The following DCLK1 variants were observed in gnomAD, a reference collection of about 807,000 sequenced individuals.
The protein encoded by DCLK1 is doublecortin like kinase 1, also known as serine/threonine-protein kinase DCLK1.
In DCLK1, 16 loss-of-function variants were observed where a neutral mutation model predicts 86.2. That is an observed-to-expected ratio of 0.19 (90% CI 0.13 to 0.28). DCLK1 has a LOEUF of 0.28. DCLK1 is among the 10% of genes least tolerant of loss of function. The probability of loss-of-function intolerance (pLI) is 1.00; values close to 1 mark genes in which losing one functional copy is unlikely to be tolerated. For missense variants in DCLK1, 590 were observed against 940.2 expected, an observed-to-expected ratio of 0.63 and a Z score of 4.87; for synonymous variants, 369 against 370.5, an observed-to-expected ratio of 1.00 and a Z score of 0.05.
At chr13:36,038,483 G>C (rs1420347835) in intron 3 of DCLK1, among the ~76,000 whole-genome samples, 5 of 152,210 alleles carry the variant, frequency 3.3e-5, no homozygotes, top group African/African-American at 1.2e-4. Flanking sequence ...AGAACTTTAA[G>C]TCAAGATCCC....
chr13:35,781,690 TAA>T (rs1227455721), intron 16 of DCLK1, among the ~76,000 whole-genome samples: 3 of 152,222 alleles, frequency 2.0e-5, no homozygotes, highest in African/African-American at 7.2e-5. Context: ...ATTTCATTAA[TAA>T]AAGAACATTA....
intron 15 of DCLK1, among the ~76,000 whole-genome samples, chr13:35,804,375 C>G (rs1375176191): frequency 6.6e-6 from 1 of 151,344 alleles, no homozygotes; most frequent in Non-Finnish European, 1.5e-5. Flanking sequence ...CTCAAGTAAT[C>G]TGCCCACCTT....
chr13:35,913,930 T>C (rs776417168), intron 4 of DCLK1, among the ~76,000 whole-genome samples: 1 of 152,212 alleles, frequency 6.6e-6, no homozygotes, highest in Non-Finnish European at 1.5e-5. Flanking sequence ...GGAAAGATGA[T>C]TATTTTTTCT....
chr13:36,005,242 G>A (rs1241822348), intron 3 of DCLK1, among the ~76,000 whole-genome samples: 1 of 152,174 alleles, frequency 6.6e-6, no homozygotes, highest in African/African-American at 2.4e-5. Context: ...AAAAGTGCTT[G>A]TAAGAGTGAG....
intron 16 of DCLK1, among the ~76,000 whole-genome samples, chr13:35,793,055 G>C (rs557281432): frequency 1.5e-4 from 23 of 152,252 alleles, no homozygotes; most frequent in Non-Finnish European, 2.9e-4. Context: ...TTTTCTTAGA[G>C]CCAAGAAGTT....
intron 4 of DCLK1, among the ~76,000 whole-genome samples, chr13:35,919,806 A>G (rs180758163): frequency 6.8e-6 from 1 of 146,526 alleles, no homozygotes. Context: ...CTCAAAAAAA[A>G]TTTTTTTTCA....
intron 3 of DCLK1, among the ~76,000 whole-genome samples, chr13:35,961,138 C>A (rs1430862328): frequency 6.6e-6 from 1 of 152,156 alleles, no homozygotes; most frequent in Non-Finnish European, 1.5e-5. Context: ...GAATGGGAGA[C>A]TTGAGTCACC....
rs142960248 is a variant in DCLK1 at position 36,073,050 on chromosome 13, T to C, written c.723+38819A>G. Among the ~76,000 whole-genome samples the C allele has an allele frequency of 5.9e-3, 906 of 152,330 alleles. 8 individuals are homozygous for C. Among genetic ancestry groups the C allele is most frequent in the African/African-American group, 0.021 (853 of 41,560 alleles). The stretch of plus-strand genomic sequence containing the variant: ...AGAAGCAAAGTTTAATTCTCTACTG[T>C]ACCACTTACAGCTACTACTTTTTAA... On this transcript the variant is annotated intron_variant, in intron 3 of 16. Coordinates refer to ENST00000360631, the MANE Select transcript of DCLK1 (RefSeq NM_001330071.2).
At chr13:36,067,633 C>A (rs754321494) in intron 3 of DCLK1, among the ~76,000 whole-genome samples, 1 of 152,024 alleles carries the variant, frequency 6.6e-6, no homozygotes, top group Non-Finnish European at 1.5e-5. Context: ...CTTTCTTTTG[C>A]ATCATAATTC....
intron 6 of DCLK1, chr13:35,846,547 G>C (rs1250400143): frequency 1.0e-6 from 1 of 985,284 alleles, no homozygotes; most frequent in Non-Finnish European, 1.2e-6. Flanking sequence ...AAAAATTATA[G>C]TGAGGGCCTC....
chr13:35,837,433 G>T (rs1408062741), intron 7 of DCLK1, among the ~76,000 whole-genome samples: 6 of 152,218 alleles, frequency 3.9e-5, no homozygotes, highest in African/African-American at 1.4e-4. Flanking sequence ...GAGGGCTGCA[G>T]CCAATCCCCC....
chr13:36,026,250 T>C (rs1882030585), intron 3 of DCLK1, among the ~76,000 whole-genome samples: 1 of 152,194 alleles, frequency 6.6e-6, no homozygotes, highest in Admixed American at 6.5e-5. Context: ...TCAGCTTTTT[T>C]AAAGAATATG....
At chr13:35,939,441 G>C (rs1010357625) in intron 4 of DCLK1, among the ~76,000 whole-genome samples, 1 of 152,166 alleles carries the variant, frequency 6.6e-6, no homozygotes, top group Non-Finnish European at 1.5e-5. Context: ...ACAAAGTCTC[G>C]CTCTTTTGCC....
intron 3 of DCLK1, among the ~76,000 whole-genome samples, chr13:36,058,877 T>C (rs1030238266): frequency 3.3e-5 from 5 of 152,202 alleles, no homozygotes; most frequent in Admixed American, 3.3e-4. Context: ...AGATCAGGAA[T>C]GACATCCAAT....
At chr13:36,125,170 G>C (rs1428177600) in intron 2 of DCLK1, among the ~76,000 whole-genome samples, 1 of 152,138 alleles carries the variant, frequency 6.6e-6, no homozygotes, top group African/African-American at 2.4e-5. Context: ...TCAAAAATCA[G>C]AGAAAGACAA....
chr13:35,849,326 A>G, intron 6 of DCLK1: 1 of 985,316 alleles, frequency 1.0e-6, no homozygotes, highest in South Asian at 4.7e-5. Context: ...CATCTTGAAT[A>G]AAACATTTAA....
intron 3 of DCLK1, among the ~76,000 whole-genome samples, chr13:36,060,760 C>A (rs1883513511): frequency 6.6e-6 from 1 of 152,108 alleles, no homozygotes; most frequent in Admixed American, 6.5e-5. Flanking sequence ...GTAACATAAA[C>A]TGCTAAAGAT....
At chr13:35,918,655 C>A (rs1199866488) in intron 4 of DCLK1, among the ~76,000 whole-genome samples, 1 of 152,060 alleles carries the variant, frequency 6.6e-6, no homozygotes, top group Non-Finnish European at 1.5e-5. Context: ...GTACTGAAGA[C>A]AGAGCAGTGA....
intron 3 of DCLK1, among the ~76,000 whole-genome samples, chr13:35,995,129 C>T (rs900661340): frequency 6.6e-6 from 1 of 152,162 alleles, no homozygotes; most frequent in African/African-American, 2.4e-5. Context: ...GGAGTTTCTT[C>T]CTTTTCTTTC....
Sources: gnomAD v4.1 joint callset for allele counts (sites outside exome capture counted in the v4.1 genomes callset) on GRCh38, gnomAD v4.1.1 for gene constraint, MANE v1.5 for transcripts, NCBI Gene and HGNC (gene_info 2026-07-23, HGNC 2026-07-21) for gene names.